The following PCDHGB2 variants were observed in gnomAD, a reference collection of about 807,000 sequenced individuals.
PCDHGB2 encodes protocadherin gamma subfamily B, 2.
A neutral mutation model predicts 59.3 loss-of-function variants in PCDHGB2; 55 were observed. The observed-to-expected ratio is 0.93, with a 90% CI of 0.75 to 1.16. PCDHGB2 has a LOEUF of 1.16. Ranked by LOEUF, PCDHGB2 falls within the 50% of genes most tolerant of loss-of-function variation. The probability of loss-of-function intolerance (pLI) is 0.00; values close to 1 mark genes in which losing one functional copy is unlikely to be tolerated. For synonymous variants in PCDHGB2, 516 were observed against 512.0 expected (o/e 1.01, Z -0.11); for missense variants, 1,228 against 1,198.5 (o/e 1.02, Z -0.36).
At chr5:141,433,358 C>CCTGCCTAT (rs1554125966) in intron 1 of PCDHGB2, 1 of 498,106 alleles carries the variant, frequency 2.0e-6, no homozygotes, top group Non-Finnish European at 3.5e-6. Flanking sequence ...CTACTGTCTG[C>CCTGCCTAT]CTATCTATCT....
intron 1 of PCDHGB2, among the ~76,000 whole-genome samples, chr5:141,387,402 T>C (rs953681527): frequency 6.6e-5 from 10 of 152,186 alleles, no homozygotes; most frequent in African/African-American, 2.4e-4. Context: ...TGTTTGAAGA[T>C]TGGGGAAAGC....
intron 1 of PCDHGB2, chr5:141,378,952 A>C (rs1276367452): frequency 6.6e-6 from 1 of 152,232 alleles, no homozygotes; most frequent in East Asian, 1.9e-4. Flanking sequence ...AATGGAGTAC[A>C]GGGGATTCTC....
chr5:141,403,177 C>T, intron 1 of PCDHGB2: 3 of 1,614,008 alleles, frequency 1.9e-6, no homozygotes, highest in Non-Finnish European at 2.5e-6. Context: ...CGCAGCTTTT[C>T]TCTCTGAACC....
At chr5:141,501,103 G>A (rs1449600108) in intron 2 of PCDHGB2, among the ~76,000 whole-genome samples, 9 of 152,078 alleles carry the variant, frequency 5.9e-5, no homozygotes, top group African/African-American at 1.4e-4. Context: ...TCTTGACCTC[G>A]TGATCCGCCT....
chr5:141,439,470 T>C (rs1357441747), intron 1 of PCDHGB2, among the ~76,000 whole-genome samples: 1 of 152,220 alleles, frequency 6.6e-6, no homozygotes, highest in African/African-American at 2.4e-5. Flanking sequence ...CTGCTGCCTT[T>C]CAGCTTGCAA....
At position 141,511,963 on chromosome 5, in the gene PCDHGB2, AGT is replaced by A. The variant is rs1204123000; in HGVS notation, c.*796_*797del. On this transcript the variant is annotated 3_prime_UTR_variant, in exon 4 of 4. Transcript: ENST00000522605. ...ATGGGGTGGTAAGATAAGGAAGGGA[AGT>A]GTGTGGATGTGGATGGTGGGGGCAT... 1 of 153,636 alleles carries A rather than the reference AGT, an allele frequency of 6.5e-6. No individual in the cohort carries two copies. 9.5% of individuals were successfully genotyped at this position (153,636 alleles called of 1,614,324 possible).
rs2099403992 is a variant in PCDHGB2, at chr5:141,477,030, C to T, written c.2422-17777C>T. On this transcript the variant is annotated intron_variant, in intron 1 of 3. Transcript: ENST00000522605. This position sits in a 1 kb window ranked among gnomAD's most constrained non-coding sequence, Gnocchi z 4.9. ...TTAGACCTTGTAACCGGGATGCTGACAATCAAGGGTCGGCTGGACTTCGAG... is the reference window on the plus strand; with the variant it reads ...TTAGACCTTGTAACCGGGATGCTGATAATCAAGGGTCGGCTGGACTTCGAG... The T allele has an allele frequency of 1.2e-6, 2 of 1,614,272 alleles. No homozygotes were observed. The highest frequency in any genetic ancestry group is 1.6e-4 in the Middle Eastern group (1 of 6,062).
chr5:141,476,601 C>A lies in PCDHGB2; in HGVS notation c.2422-18206C>A. On this transcript the variant is annotated intron_variant, in intron 1 of 3. Coordinates refer to ENST00000522605, the MANE Select transcript of PCDHGB2 (RefSeq NM_018923.3). The surrounding 1 kb of genome is among the most constrained non-coding windows in gnomAD (Gnocchi z 7.6). ...TTTCCGCTCGAGAGCGCGCACGATC[C>A]CGATGTGGGAAGCAACTCTTTACAA... The A allele has an allele frequency of 6.2e-7, 1 of 1,614,228 alleles. No homozygotes were observed. The highest frequency in any genetic ancestry group is 2.2e-5 in the East Asian group (1 of 44,878).
At chr5:141,394,850 G>GC in intron 1 of PCDHGB2, 1 of 1,613,820 alleles carries the variant, frequency 6.2e-7, no homozygotes. Flanking sequence ...GCAGTCTGAA[G>GC]CCTTCGGTCG....
chr5:141,507,196 CCAGAT>C (rs2099859095), intron 3 of PCDHGB2: 1 of 152,374 alleles, frequency 6.6e-6, no homozygotes, highest in Non-Finnish European at 1.5e-5. Context: ...CTTTATTCTT[CCAGAT>C]CAGGGTTGCC....
chr5:141,413,981 C>A (rs563161887), intron 1 of PCDHGB2: 1 of 1,613,452 alleles, frequency 6.2e-7, no homozygotes, highest in Admixed American at 1.7e-5. Context: ...CTGACAGTCA[C>A]AGCCACCGAC....
chr5:141,468,845 A>G (rs1426852752), intron 1 of PCDHGB2, among the ~76,000 whole-genome samples: 3 of 152,150 alleles, frequency 2.0e-5, no homozygotes, highest in Non-Finnish European at 2.9e-5. Flanking sequence ...CAGCCTGGGC[A>G]ACAGAGCGAG....
In PCDHGB2 at chr5:141,360,018, A is replaced by C; in HGVS notation, c.-118A>C. ...CCTGCACAAACCAACCACACAGAGA[A>C]GGCCAGTATAGATTCGGAAACAGAA... is the stretch of plus-strand genomic sequence containing the variant. On this transcript the variant is annotated 5_prime_UTR_variant, in exon 1 of 4. Transcript: ENST00000522605. 12 of 1,225,116 alleles carry C rather than the reference A, an allele frequency of 9.8e-6. No homozygotes were observed. The highest frequency in any genetic ancestry group is 1.3e-5 in the Non-Finnish European group (12 of 909,862). 75.9% of individuals were successfully genotyped at this position (1,225,116 alleles called of 1,614,324 possible).
At chr5:141,417,667 C>A (rs545100460) in intron 1 of PCDHGB2, 5 of 918,744 alleles carry the variant, frequency 5.4e-6, no homozygotes, top group South Asian at 3.8e-5. Flanking sequence ...GGATTCCCTG[C>A]GCAGCCAACA....
intron 1 of PCDHGB2, among the ~76,000 whole-genome samples, chr5:141,400,980 C>T (rs977355527): frequency 6.6e-6 from 1 of 152,102 alleles, no homozygotes; most frequent in African/African-American, 2.4e-5. Context: ...TCTTATGTTC[C>T]TCATATATGC....
At chr5:141,421,306 T>C (rs1356157966) in intron 1 of PCDHGB2, 1 of 1,613,564 alleles carries the variant, frequency 6.2e-7, no homozygotes, top group South Asian at 1.1e-5. Context: ...GCTGCGGGGG[T>C]TCCGGGCCAG....
intron 1 of PCDHGB2, chr5:141,426,833 G>T: frequency 2.2e-6 from 1 of 456,680 alleles, no homozygotes; most frequent in Non-Finnish European, 4.4e-6. Flanking sequence ...TGATGGACAA[G>T]ACTAAAGGCA....
chr5:141,422,087 G>A, intron 1 of PCDHGB2: 6 of 1,611,966 alleles, frequency 3.7e-6, no homozygotes, highest in Non-Finnish European at 5.1e-6. Context: ...AACATGGAAA[G>A]CAAGGCTTCT....
intron 1 of PCDHGB2, chr5:141,418,849 G>T (rs1479117344): frequency 1.5e-5 from 25 of 1,613,886 alleles, no homozygotes; most frequent in Non-Finnish European, 1.8e-5. Context: ...TCTCAACACG[G>T]TGTAAAGTAA....
Sources: allele counts gnomAD v4.1 joint callset (sites outside exome capture counted in the v4.1 genomes callset), GRCh38; gene constraint gnomAD v4.1.1; non-coding constraint Gnocchi (gnomAD v3.1); transcripts MANE v1.5; gene names NCBI Gene and HGNC (gene_info 2026-07-23, HGNC 2026-07-21).